Variants in PSME4 observed in about 807,000 individuals in gnomAD.
PSME4 encodes the protein proteasome activator complex subunit 4.
Under a neutral mutation model 253.9 loss-of-function variants are expected in PSME4, and 89 were observed. That is an observed-to-expected ratio of 0.35 (90% CI 0.30 to 0.42). The LOEUF is 0.42. Among genes scored for constraint, PSME4 ranks in the 10% least tolerant of loss-of-function variants. PSME4 has a pLI of 1.00. For missense variants in PSME4, 2,014 were observed against 2,195.2 expected, an observed-to-expected ratio of 0.92 and a Z score of 1.65; for synonymous variants, 851 against 759.2, an observed-to-expected ratio of 1.12 and a Z score of -1.99.
intron 8 of PSME4, among the ~76,000 whole-genome samples, chr2:53,933,668 C>A (rs1384883731): frequency 6.6e-6 from 1 of 152,174 alleles, no homozygotes; most frequent in African/African-American, 2.4e-5. Flanking sequence ...AGATGTGAGC[C>A]ATGGCACTCA....
intron 1 of PSME4, among the ~76,000 whole-genome samples, chr2:53,951,349 T>C (rs923949447): frequency 9.8e-5 from 15 of 152,370 alleles, no homozygotes; most frequent in African/African-American, 3.6e-4. Flanking sequence ...CCCAAAGTGC[T>C]GGGATTATAG....
chr2:53,952,127 T>C (rs1670027171), intron 1 of PSME4, among the ~76,000 whole-genome samples: 1 of 152,188 alleles, frequency 6.6e-6, no homozygotes, highest in Admixed American at 6.5e-5. Context: ...AGTGGCTGCT[T>C]CAGGCCTTGT....
chr2:53,948,225 G>T (rs551856995), intron 3 of PSME4, among the ~76,000 whole-genome samples, 196 bp downstream of exon 3: 1 of 152,316 alleles, frequency 6.6e-6, no homozygotes, highest in African/African-American at 2.4e-5. Flanking sequence ...AGAAGTCAAT[G>T]ATCTGCAAGA....
At chr2:53,898,269 C>T (rs990663001) in intron 30 of PSME4, 32 bp downstream of exon 30, 12 of 1,574,232 alleles carry the variant, frequency 7.6e-6, no homozygotes, top group African/African-American at 1.4e-5. Flanking sequence ...ATGAAAAATG[C>T]TGTGAGAATT....
chr2:53,921,284 T>G (rs1668303429), intron 17 of PSME4, among the ~76,000 whole-genome samples, 180 bp from the exon 18 acceptor site: 1 of 152,086 alleles, frequency 6.6e-6, no homozygotes, highest in African/African-American at 2.4e-5. Context: ...TCAAACACAT[T>G]TTCTGAGCTT....
Position 53,927,428 on chromosome 2 carries a change from G to A in PSME4, c.1559C>T (p.Ser520Leu), listed in dbSNP as rs754859950. 8.2e-6 allele frequency: 13 copies of A among 1,594,508 alleles called. No homozygotes were observed. Among genetic ancestry groups the A allele is most frequent in the Non-Finnish European group, 1.1e-5 (13 of 1,162,378 alleles). Residue 520 changes from serine to leucine, a missense_variant, in exon 12 of 47, where the codon TCA (serine) becomes TTA (leucine). Physicochemically the swap from Ser to Leu is moderately radical, Grantham distance 145 (BLOSUM62 -2). This residue lies in a region of PSME4 where 989 missense variants were observed against 1,021.1 expected (regional missense o/e 0.97). Coordinates refer to ENST00000404125, the MANE Select transcript of PSME4 (RefSeq NM_014614.3). The stretch of plus-strand genomic sequence containing the variant: ...GTCATTTCTTTCTTGTAGTACAGAT[G>A]AACAATCTACTAAAGGCACCAGAGT... ...FSTLVPLVDCSSVLQERNDLT... is the reference protein window; with the variant it reads ...FSTLVPLVDCLSVLQERNDLT...
chr2:53,936,273 T>A, intron 6 of PSME4, 112 bp from the exon 7 acceptor site: 2 of 1,430,216 alleles, frequency 1.4e-6, no homozygotes, highest in Non-Finnish European at 1.8e-6. Flanking sequence ...GCAATCTACT[T>A]AAATAGATAG....
intron 6 of PSME4, 52 bp downstream of exon 6, chr2:53,936,712 A>G (rs1669134451): frequency 7.4e-7 from 1 of 1,351,408 alleles, no homozygotes; most frequent in Non-Finnish European, 1.0e-6. Flanking sequence ...ATGGGGGGGA[A>G]AAAAGAAAAA....
chr2:53,880,877 G>A (rs1679350956), intron 41 of PSME4, among the ~76,000 whole-genome samples: 1 of 152,108 alleles, frequency 6.6e-6, no homozygotes, highest in South Asian at 2.1e-4. Context: ...GTGATTTAGA[G>A]TTTGGGTAGT....
chr2:53,881,962 T>C (rs1279568965), intron 41 of PSME4, among the ~76,000 whole-genome samples: 1 of 152,074 alleles, frequency 6.6e-6, no homozygotes, highest in Non-Finnish European at 1.5e-5. Flanking sequence ...GGAAAACCTC[T>C]TCCTTTAATC....
intron 27 of PSME4, 23 bp downstream of exon 27, chr2:53,904,002 A>T: frequency 6.3e-7 from 1 of 1,576,942 alleles, no homozygotes; most frequent in East Asian, 2.2e-5. Context: ...TGTTTACAGT[A>T]AAATAGGAAA....
At chr2:53,919,333 G>C in intron 19 of PSME4, 87 bp from the exon 20 acceptor site, 1 of 1,421,812 alleles carries the variant, frequency 7.0e-7, no homozygotes, top group Non-Finnish European at 9.2e-7. Context: ...TTCTCACGTG[G>C]GGATATAAAT....
At chr2:53,926,926 T>C (rs984869748) in intron 12 of PSME4, among the ~76,000 whole-genome samples, 2 of 150,144 alleles carry the variant, frequency 1.3e-5, no homozygotes. Context: ...TGAGCCGATA[T>C]CACATCACTG....
At chr2:53,946,304 T>C (rs574687359) in intron 3 of PSME4, among the ~76,000 whole-genome samples, 8 of 152,326 alleles carry the variant, frequency 5.3e-5, no homozygotes, top group African/African-American at 1.7e-4. Flanking sequence ...TCCTTTCATT[T>C]ACAAAATACT....
chr2:53,948,828 C>A (rs1464159945), intron 2 of PSME4, among the ~76,000 whole-genome samples: 1 of 152,122 alleles, frequency 6.6e-6, no homozygotes, highest in Non-Finnish European at 1.5e-5. Flanking sequence ...TTTAATGTTT[C>A]CAGCATTGAG....
intron 1 of PSME4, among the ~76,000 whole-genome samples, chr2:53,963,141 C>A (rs1267972213): frequency 2.6e-5 from 4 of 151,912 alleles, no homozygotes; most frequent in African/African-American, 9.7e-5. Flanking sequence ...GCCTGAGCAA[C>A]ATAGTGAGAC....
At chr2:53,918,076 CA>C (rs1353289835) in intron 20 of PSME4, among the ~76,000 whole-genome samples, 1 of 152,100 alleles carries the variant, frequency 6.6e-6, no homozygotes, top group Non-Finnish European at 1.5e-5. Context: ...AATGACTACA[CA>C]AAGTATGGGA....
intron 1 of PSME4, among the ~76,000 whole-genome samples, chr2:53,958,621 G>A (rs957035674): frequency 1.3e-5 from 2 of 152,038 alleles, no homozygotes; most frequent in Non-Finnish European, 2.9e-5. Flanking sequence ...GGACAATAAT[G>A]ACTATTCTTA....
At chr2:53,939,658 C>T (rs1669290507) in intron 4 of PSME4, among the ~76,000 whole-genome samples, 1 of 152,196 alleles carries the variant, frequency 6.6e-6, no homozygotes, top group Admixed American at 6.5e-5. Flanking sequence ...CTTGGCATTA[C>T]TCCTATTTTT....
Sources: gnomAD v4.1 joint callset for allele counts (sites outside exome capture counted in the v4.1 genomes callset) on GRCh38, gnomAD v4.1.1 for gene constraint, gnomAD v4.1.1 regional missense constraint, MANE v1.5 for transcripts, NCBI Gene and HGNC (gene_info 2026-07-23, HGNC 2026-07-21) for gene names.